The following HIVEP3 variants were observed in gnomAD, a reference collection of about 807,000 sequenced individuals.
HIVEP3 encodes the protein HIVEP zinc finger 3.
HIVEP3 carries 49 observed loss-of-function variants against 152.8 expected under a neutral mutation model. The observed-to-expected ratio is 0.32, with a 90% CI of 0.26 to 0.41. The LOEUF is 0.41. Ranked by LOEUF, HIVEP3 falls within the 10% of genes least tolerant of loss-of-function variation. The pLI, the probability that HIVEP3 is intolerant of heterozygous loss-of-function variation, is 1.00. For synonymous variants in HIVEP3, 1,269 were observed against 1,289.0 expected, an observed-to-expected ratio of 0.98 and a Z score of 0.33; for missense variants, 2,790 against 3,103.3, an observed-to-expected ratio of 0.90 and a Z score of 2.40.
chr1:41,551,448 C>A (rs115589175), intron 5 of HIVEP3, among the ~76,000 whole-genome samples: 3,966 of 152,078 alleles, frequency 0.026, 191 homozygotes, highest in African/African-American at 0.091. Flanking sequence ...GTTTAAGAAG[C>A]AGTGGTTCCA....
intron 1 of HIVEP3, among the ~76,000 whole-genome samples, chr1:41,724,323 G>T (rs1357359472): frequency 6.6e-6 from 1 of 152,240 alleles, no homozygotes; most frequent in Non-Finnish European, 1.5e-5. Flanking sequence ...TCTGAGAACA[G>T]TTGGCAAAGC....
At chr1:41,955,508 C>T (rs564669156) in intron 1 of HIVEP3, among the ~76,000 whole-genome samples, 2 of 152,166 alleles carry the variant, frequency 1.3e-5, no homozygotes, top group Non-Finnish European at 2.9e-5. Context: ...AAAAAAACCC[C>T]TCATATTAAA....
intron 1 of HIVEP3, among the ~76,000 whole-genome samples, chr1:41,949,338 C>A (rs916349043): frequency 6.6e-6 from 1 of 152,252 alleles, no homozygotes. Context: ...ACAACCCCTA[C>A]TCAGTTCTAC....
chr1:41,750,297 C>T (rs1313333493), intron 1 of HIVEP3, among the ~76,000 whole-genome samples: 1 of 152,250 alleles, frequency 6.6e-6, no homozygotes, highest in Non-Finnish European at 1.5e-5. Flanking sequence ...CAACTTCTAA[C>T]ATGAGTCCAC....
At chr1:41,694,064 T>C (rs574014496) in intron 2 of HIVEP3, among the ~76,000 whole-genome samples, 1 of 152,396 alleles carries the variant, frequency 6.6e-6, no homozygotes, top group African/African-American at 2.4e-5. Flanking sequence ...ATGTACTTTG[T>C]AAACATTTTA....
intron 1 of HIVEP3, among the ~76,000 whole-genome samples, chr1:41,820,201 C>T (rs923193648): frequency 2.0e-5 from 3 of 152,164 alleles, no homozygotes; most frequent in Admixed American, 6.5e-5. Flanking sequence ...TTTATAAAAA[C>T]GTATCTGTCC....
intron 1 of HIVEP3, among the ~76,000 whole-genome samples, chr1:41,835,957 G>A (rs893826562): frequency 6.6e-6 from 1 of 152,182 alleles, no homozygotes; most frequent in Non-Finnish European, 1.5e-5. Context: ...CCCCTAACCT[G>A]CCATATGAGC....
At chr1:41,831,412 T>C (rs1642962035) in intron 1 of HIVEP3, among the ~76,000 whole-genome samples, 1 of 152,246 alleles carries the variant, frequency 6.6e-6, no homozygotes, top group Non-Finnish European at 1.5e-5. Flanking sequence ...CCTATAATTT[T>C]ACATGGTTAT....
Position 41,700,931 on chromosome 1 carries a change from C to G in HIVEP3, c.-736G>C. On this transcript the variant is annotated 5_prime_UTR_variant, in exon 2 of 9. Coordinates refer to ENST00000372583, the MANE Select transcript of HIVEP3 (RefSeq NM_024503.5). ...GAGGGCTCACCTGCCAAAAACCAGC[C>G]GTGGTCTCATGGTCAAGATGTGTCA... is the stretch of plus-strand genomic sequence containing the variant. The G allele has an allele frequency of 2.0e-6, 2 of 985,482 alleles. No individual in the cohort carries two copies. The highest frequency in any genetic ancestry group is 2.4e-6 in the Non-Finnish European group (2 of 830,006). 61.0% of individuals were successfully genotyped at this position (985,482 alleles called of 1,614,324 possible).
chr1:41,752,868 G>T (rs554313871), intron 1 of HIVEP3, among the ~76,000 whole-genome samples: 1 of 152,206 alleles, frequency 6.6e-6, no homozygotes, highest in African/African-American at 2.4e-5. Flanking sequence ...CCTTCTCTCC[G>T]CTGGACAATC....
intron 1 of HIVEP3, among the ~76,000 whole-genome samples, chr1:41,971,806 A>C (rs977330042): frequency 1.3e-5 from 2 of 152,148 alleles, no homozygotes; most frequent in Non-Finnish European, 2.9e-5. Flanking sequence ...AAGAGGTAGG[A>C]CCTTTTGGTG....
rs750021373 is a variant in HIVEP3 at position 41,511,055 on chromosome 1, C to T, written c.6617G>A (p.Arg2206Gln). 3.9e-5 allele frequency: 63 copies of T among 1,613,814 alleles called. No homozygotes were observed. Among genetic ancestry groups the T allele is most frequent in the Middle Eastern group, 1.6e-4 (1 of 6,084 alleles). ...PIGGIQMVQARPGAHPTLLPG... is the reference protein window; with the variant it reads ...PIGGIQMVQAQPGAHPTLLPG... ...CAGCAGGGTGGGGTGGGCTCCTGGC[C>T]GGGCCTGCACCATCTGGATCCCACC... The change falls in exon 9 of 9, where the codon CGG becomes CAG. Residue 2206 changes from arginine (R) to glutamine (Q), a missense_variant. Arg to Gln is a conservative substitution (Grantham distance 43). Around this residue, in one of 9 missense-constraint regions of HIVEP3, gnomAD observed 816 missense variants for 806.5 expected, o/e 1.01. Coordinates refer to ENST00000372583, the MANE Select transcript of HIVEP3 (RefSeq NM_024503.5). The surrounding 1 kb of genome is among the most constrained non-coding windows in gnomAD (Gnocchi z 4.9).
At chr1:41,661,652 G>A (rs931593838) in intron 2 of HIVEP3, among the ~76,000 whole-genome samples, 1 of 152,354 alleles carries the variant, frequency 6.6e-6, no homozygotes, top group Admixed American at 6.5e-5. Context: ...GGCTCTGACA[G>A]ACTGAAACTG....
chr1:41,711,177 C>A (rs1646508138), intron 1 of HIVEP3, among the ~76,000 whole-genome samples: 1 of 152,230 alleles, frequency 6.6e-6, no homozygotes, highest in African/African-American at 2.4e-5. Context: ...CAATTAGTAG[C>A]CCCAGGCCTA....
intron 1 of HIVEP3, among the ~76,000 whole-genome samples, chr1:41,938,507 C>G (rs1330468298): frequency 6.6e-6 from 1 of 152,100 alleles, no homozygotes; most frequent in East Asian, 1.9e-4. Context: ...TTCAGTGTAA[C>G]CAAACCACTG....
chr1:41,516,290 T>C (rs1642604467), intron 7 of HIVEP3, among the ~76,000 whole-genome samples: 1 of 143,698 alleles, frequency 7.0e-6, no homozygotes, highest in African/African-American at 2.5e-5. Context: ...GCGCCCAGCC[T>C]GGCCAGCACC....
At chr1:41,589,725 G>T (rs1164776745) in intron 3 of HIVEP3, among the ~76,000 whole-genome samples, 1 of 152,190 alleles carries the variant, frequency 6.6e-6, no homozygotes, top group Non-Finnish European at 1.5e-5. Context: ...GGCAAGATAG[G>T]GGCAGGGGCC....
intron 3 of HIVEP3, among the ~76,000 whole-genome samples, chr1:41,609,309 C>T (rs774340809): frequency 1.8e-4 from 28 of 152,352 alleles, no homozygotes; most frequent in Middle Eastern, 3.4e-3. Flanking sequence ...GGGCCCCCAC[C>T]GATGCACAAT....
chr1:41,747,916 G>A (rs1055643143), intron 1 of HIVEP3, among the ~76,000 whole-genome samples: 4 of 152,194 alleles, frequency 2.6e-5, no homozygotes, highest in Admixed American at 6.5e-5. Flanking sequence ...GATTCCACTC[G>A]GAAGCACTTG....
Sources: allele counts gnomAD v4.1 joint callset (sites outside exome capture counted in the v4.1 genomes callset), GRCh38; gene constraint gnomAD v4.1.1; regional missense constraint gnomAD v4.1.1; non-coding constraint Gnocchi (gnomAD v3.1); transcripts MANE v1.5; gene names NCBI Gene and HGNC (gene_info 2026-07-23, HGNC 2026-07-21).